YBX2: variants seen among roughly 807,000 people sequenced by gnomAD.
YBX2 encodes the protein Y-box-binding protein 2.
In YBX2, 5 loss-of-function variants were observed where a neutral mutation model predicts 44.4. That is an observed-to-expected ratio of 0.11 (90% CI 0.06 to 0.24). The LOEUF (loss-of-function observed/expected upper bound fraction) is 0.24, where lower values mean the gene tolerates loss of function less well. Among genes scored for constraint, YBX2 ranks in the 10% least tolerant of loss-of-function variants. The pLI is 1.00. For synonymous variants in YBX2, 188 were observed against 216.1 expected (o/e 0.87, Z 1.14); for missense variants, 417 against 526.9 (o/e 0.79, Z 2.04).
At chr17:7,288,675 A>G in intron 8 of YBX2, 32 bp from the exon 9 acceptor site, 1 of 1,282,608 alleles carries the variant, frequency 7.8e-7, no homozygotes, top group Non-Finnish European at 1.1e-6. Context: ...ACGGATTGTG[A>G]ACAACAGCGA....
Position 7,291,824 on chromosome 17 carries a change from C to G in YBX2, c.369+202G>C. On this transcript the variant is annotated intron_variant, in intron 3 of 8. Transcript: ENST00000007699. The surrounding 1 kb of genome is among the most constrained non-coding windows in gnomAD (Gnocchi z 5.8). ...CGGTGGGTAGTAAGCGTGCCATGCC[C>G]AGGGGTAACATGCTCAATTCTGACG... 1.5e-6 allele frequency: 1 copy of G among 651,934 alleles called. No individual in the cohort carries two copies. Among genetic ancestry groups the G allele is most frequent in the Non-Finnish European group, 2.7e-6 (1 of 369,536 alleles). 40.4% of individuals were successfully genotyped at this position (651,934 alleles called of 1,614,324 possible). A position where few individuals can be genotyped will look rare whatever the true frequency, so the allele number is the denominator to read the frequency against.
chr17:7,292,458 GTCT>G (rs2072508244), intron 2 of YBX2: 2 of 251,138 alleles, frequency 8.0e-6, no homozygotes, highest in Non-Finnish European at 1.6e-5. Flanking sequence ...GAAAATTCCA[GTCT>G]TCTTCCTTCT....
chr17:7,290,343 GCCCAGA>G lies in YBX2; in HGVS notation c.646_651del (p.Ser216_Gly217del). The G allele has an allele frequency of 6.2e-7, 1 of 1,613,776 alleles. No individual in the cohort carries two copies. Among genetic ancestry groups the G allele is most frequent in the Non-Finnish European group, 8.5e-7 (1 of 1,179,972 alleles). ...GGGGGGCACCATCGTCGGGGCCGTT[GCCCAGA>G]GTCTTCAGCCCGCTCCCCTTTACTG... On this transcript the variant is annotated inframe_deletion, in exon 5 of 9. Transcript: ENST00000007699.
Position 7,294,522 on chromosome 17 carries a change from C to A in YBX2, c.-22G>T. The A allele has an allele frequency of 6.9e-7, 1 of 1,444,410 alleles. No individual in the cohort carries two copies. Among genetic ancestry groups the A allele is most frequent in the South Asian group, 1.3e-5 (1 of 77,012 alleles). The allele number at this position is 1,444,410 out of a possible 1,614,324, so 89.5% of individuals were successfully genotyped here. ...TCATCCCGCCGGGTCCAGTACCGGC[C>A]ACAGCCGCCACCGCCCCGGCCCCTC... On this transcript the variant is annotated 5_prime_UTR_variant, in exon 1 of 9. Transcript: ENST00000007699. This position sits in a 1 kb window ranked among gnomAD's most constrained non-coding sequence, Gnocchi z 4.6.
Position 7,290,258 on chromosome 17 carries a change from G to T in YBX2, c.737C>A (p.Pro246His). The change falls in exon 5 of 9, where the codon CCT (proline) becomes CAT (histidine). Residue 246 changes from proline (P) to histidine (H), a missense_variant. Physicochemically the swap from Pro to His is moderately conservative, Grantham distance 77. Coordinates refer to ENST00000007699, the MANE Select transcript of YBX2 (RefSeq NM_015982.4). ...RGPRPPNQQQ[P>H]IEGTDRVEPK... ...ATTCCAGCATCCCCTCACCTCTATA[G>T]GCTGCTGCTGGTTGGGAGGCCGGGG... is the stretch of plus-strand genomic sequence containing the variant. 6.2e-7 allele frequency: 1 copy of T among 1,612,754 alleles called. No individual in the cohort carries two copies. Among genetic ancestry groups the T allele is most frequent in the Non-Finnish European group, 8.5e-7 (1 of 1,179,202 alleles).
intron 4 of YBX2, 98 bp downstream of exon 4, chr17:7,290,995 G>T: frequency 8.3e-7 from 1 of 1,201,694 alleles, no homozygotes; most frequent in Non-Finnish European, 1.2e-6. Context: ...CCGCAGAACG[G>T]GTCAGAGCTG....
At chr17:7,293,958 G>T in intron 1 of YBX2, 1 of 459,682 alleles carries the variant, frequency 2.2e-6, no homozygotes, top group Non-Finnish European at 3.7e-6. Flanking sequence ...ACTAGGCACT[G>T]TGTCCCGCCC....
intron 2 of YBX2, chr17:7,292,357 A>G (rs918856974): frequency 4.8e-6 from 2 of 420,740 alleles, no homozygotes; most frequent in African/African-American, 4.0e-5. Flanking sequence ...CCGGGACTCC[A>G]CCTTCCACCC....
Position 7,294,203 on chromosome 17 carries a change from G to A in YBX2, c.271+27C>T. On this transcript the variant is annotated intron_variant, in intron 1 of 8. Transcript: ENST00000007699. This position sits in a 1 kb window ranked among gnomAD's most constrained non-coding sequence, Gnocchi z 4.6. Reference sequence around the variant, plus strand: ...TCCCCCAGCCCGCCGACCCCTCAGAGCCGCCCTGTGCGCGCCTGCCCCTCA... The same window carrying A: ...TCCCCCAGCCCGCCGACCCCTCAGAACCGCCCTGTGCGCGCCTGCCCCTCA... The A allele has an allele frequency of 8.0e-7, 1 of 1,255,926 alleles. No homozygotes were observed. The highest frequency in any genetic ancestry group is 1.0e-6 in the Non-Finnish European group (1 of 1,004,718). 77.8% of individuals were successfully genotyped at this position (1,255,926 alleles called of 1,614,324 possible).
Position 7,290,333 on chromosome 17 carries a change from C to G in YBX2, c.662G>C (p.Arg221Pro). 1 of 1,613,786 alleles carries G rather than the reference C, an allele frequency of 6.2e-7. No homozygotes were observed. The highest frequency in any genetic ancestry group is 8.5e-7 in the Non-Finnish European group (1 of 1,179,970). The change falls in exon 5 of 9, where the codon CGA becomes CCA. Residue 221 changes from arginine to proline, a missense_variant. Coordinates refer to ENST00000007699, the MANE Select transcript of YBX2 (RefSeq NM_015982.4). ...GAAGAAGGGTGGGGGGCACCATCGT[C>G]GGGGCCGTTGCCCAGAGTCTTCAGC... ...ERAEDSGQRPRRWCPPPFFYR... is the reference protein window; with the variant it reads ...ERAEDSGQRPPRWCPPPFFYR...
rs760448312 is a variant in YBX2 at position 7,290,392 on chromosome 17, C to T, written c.603G>A (p.Ser201=). 33 of 1,613,720 alleles carry T rather than the reference C, an allele frequency of 2.0e-5. No individual in the cohort carries two copies. The highest frequency in any genetic ancestry group is 1.5e-4 in the African/African-American group (11 of 74,852). Residue 201 remains serine (S), a synonymous_variant, in exon 5 of 9, where the codon TCG becomes TCA. Coordinates refer to ENST00000007699, the MANE Select transcript of YBX2 (RefSeq NM_015982.4). ...APPPMVAEIP[S]AGTGPGSKGE... ...CTTTACTGCCAGGTCCTGTCCCCGC[C>T]GAGGGGATCTCTGCCACCATGGGTG...
intron 1 of YBX2, 189 bp from the exon 2 acceptor site, chr17:7,293,727 C>T (rs1238891502): frequency 1.0e-5 from 12 of 1,167,174 alleles, no homozygotes; most frequent in Non-Finnish European, 1.4e-5. Context: ...CAAATGAAAT[C>T]ACCCACACAG....
chr17:7,290,200 C>A, intron 5 of YBX2, 51 bp downstream of exon 5: 8 of 1,608,442 alleles, frequency 5.0e-6, no homozygotes, highest in Non-Finnish European at 1.7e-6. Flanking sequence ...CTAACTCCCA[C>A]TCCTCTCCTG....
At position 7,290,213 on chromosome 17, in the gene YBX2, C is replaced by T. The variant is rs1300657463; in HGVS notation, c.744+38G>A. The T allele has an allele frequency of 3.1e-6, 5 of 1,606,962 alleles. No individual in the cohort carries two copies. The African/African-American group carries it at 6.7e-5, about 21-fold the overall frequency. The stretch of plus-strand genomic sequence containing the variant: ...TCCTAACTCCCACTCCTCTCCTGAA[C>T]TTGGGGAACTGGCTCCCATATTCCA... On this transcript the variant is annotated intron_variant, in intron 5 of 8. Transcript: ENST00000007699.
At position 7,288,787 on chromosome 17, in the gene YBX2, A is replaced by G; in HGVS notation, c.*1T>C. On this transcript the variant is annotated 3_prime_UTR_variant, in exon 8 of 9. Transcript: ENST00000007699. ...TGGGTGTCCTCTGAGTTGAGTTGGA[A>G]TCACTCCAGGATGGTGGTGGTGGGG... The G allele has an allele frequency of 1.2e-6, 2 of 1,613,894 alleles. No individual in the cohort carries two copies. Among genetic ancestry groups the G allele is most frequent in the Non-Finnish European group, 1.7e-6 (2 of 1,179,824 alleles).
intron 4 of YBX2, among the ~76,000 whole-genome samples, chr17:7,290,851 C>T (rs573922383): frequency 6.6e-6 from 1 of 152,178 alleles, no homozygotes; most frequent in African/African-American, 2.4e-5. Context: ...ACGTGGAGAA[C>T]GGATGTCGAA....
Position 7,291,543 on chromosome 17 carries a change from T to C in YBX2, c.370-361A>G. 2.5e-6 allele frequency: 1 copy of C among 397,624 alleles called. No individual in the cohort carries two copies. Among genetic ancestry groups the C allele is most frequent in the South Asian group, 2.2e-5 (1 of 46,372 alleles). The allele number at this position is 397,624 out of a possible 1,614,324, so 24.6% of individuals were successfully genotyped here. A position where few individuals can be genotyped will look rare whatever the true frequency, so the allele number is the denominator to read the frequency against. On this transcript the variant is annotated intron_variant, in intron 3 of 8. Coordinates refer to ENST00000007699, the MANE Select transcript of YBX2 (RefSeq NM_015982.4). The surrounding 1 kb of genome is among the most constrained non-coding windows in gnomAD (Gnocchi z 5.8). ...ACTGTGCTTCTTACCTCAGTCCCAG[T>C]GAGAGCTCTTTCCACCAAGCAGTGG...
Position 7,291,004 on chromosome 17 carries a change from TG to T in YBX2, c.459+88del. 1 of 1,310,904 alleles carries T rather than the reference TG, an allele frequency of 7.6e-7. No individual in the cohort carries two copies. The highest frequency in any genetic ancestry group is 1.1e-6 in the Non-Finnish European group (1 of 905,454). 81.2% of individuals were successfully genotyped at this position (1,310,904 alleles called of 1,614,324 possible). On this transcript the variant is annotated intron_variant, in intron 4 of 8. Coordinates refer to ENST00000007699, the MANE Select transcript of YBX2 (RefSeq NM_015982.4). The surrounding 1 kb of genome is among the most constrained non-coding windows in gnomAD (Gnocchi z 5.8). Reference sequence around the variant, plus strand: ...CCATTCCCGCAGAACGGGTCAGAGCTGGCCCCAGGAGGGTCTTAGCCTGTGA... The same window carrying T: ...CCATTCCCGCAGAACGGGTCAGAGCTGCCCCAGGAGGGTCTTAGCCTGTGA...
intron 4 of YBX2, 151 bp downstream of exon 4, chr17:7,290,942 A>G (rs1634382): frequency 0.66 from 544,111 of 819,036 alleles, 188,112 homozygotes; most frequent in Non-Finnish European, 0.74. Context: ...TAGCCCTAGC[A>G]TTAAGGAAGA....
Sources: gnomAD v4.1 joint callset for allele counts (sites outside exome capture counted in the v4.1 genomes callset) on GRCh38, gnomAD v4.1.1 for gene constraint, Gnocchi (gnomAD v3.1) non-coding constraint, MANE v1.5 for transcripts, NCBI Gene and HGNC (gene_info 2026-07-23, HGNC 2026-07-21) for gene names.